SCN10A: variants seen among roughly 807,000 people sequenced by gnomAD.
The protein encoded by SCN10A is sodium voltage-gated channel alpha subunit 10.
In SCN10A, 162 loss-of-function variants were observed where a neutral mutation model predicts 170.7. The ratio of observed to expected loss-of-function variants is 0.95; its 90% CI spans 0.84 to 1.08. The LOEUF (loss-of-function observed/expected upper bound fraction) is 1.08, where lower values mean the gene tolerates loss of function less well. Among genes scored for constraint, SCN10A ranks in the 50% least tolerant of loss-of-function variants. The pLI, the probability that SCN10A is intolerant of heterozygous loss-of-function variation, is 0.00. For synonymous variants in SCN10A, 985 were observed against 904.6 expected, an observed-to-expected ratio of 1.09 and a Z score of -1.59; for missense variants, 2,527 against 2,436.9, an observed-to-expected ratio of 1.04 and a Z score of -0.78.
chr3:38,793,604 ATAT>A, intron 2 of SCN10A, 134 bp downstream of exon 2: 4 of 707,930 alleles, frequency 5.7e-6, no homozygotes, highest in Admixed American at 2.4e-5. Flanking sequence ...ATATATATAT[ATAT>A]TTTTTTTGGT....
chr3:38,728,341 T>C (rs1210926641), intron 16 of SCN10A, among the ~76,000 whole-genome samples: 1 of 152,238 alleles, frequency 6.6e-6, no homozygotes, highest in Non-Finnish European at 1.5e-5. Flanking sequence ...TCTAATCATA[T>C]GTTCTCATTC....
Position 38,709,328 on chromosome 3 carries a change from A to T in SCN10A, c.4281+150T>A. 3 of 632,788 alleles carry T rather than the reference A, an allele frequency of 4.7e-6. No individual in the cohort carries two copies. The Admixed American group carries it at 9.8e-5, about 21-fold the overall frequency. 39.2% of individuals were successfully genotyped at this position (632,788 alleles called of 1,614,324 possible). A position where few individuals can be genotyped will look rare whatever the true frequency, so the allele number is the denominator to read the frequency against. ...AGAGAAATGCAACTCTTCCTGCAAC[A>T]GCAATCACAGGGCAAGGGTTAGCAC... On this transcript the variant is annotated intron_variant, in intron 25 of 27. Transcript: ENST00000449082.
In SCN10A at chr3:38,746,063, GTATATATATATATATA is replaced by G. The variant is rs1553619550; in HGVS notation, c.1868-3550_1868-3535del. On this transcript the variant is annotated intron_variant, in intron 13 of 27. Transcript: ENST00000449082. The stretch of plus-strand genomic sequence containing the variant: ...TACATATATATATGTGTGTGTATGT[GTATATATATATATATA>G]TATATATATATATATATATATGCCA... Among the ~76,000 whole-genome samples, 132 of 61,672 alleles carry G rather than the reference GTATATATATATATATA, an allele frequency of 2.1e-3. 6 individuals are homozygous for G. Among genetic ancestry groups the G allele is most frequent in the Non-Finnish European group, 3.6e-3 (105 of 28,784 alleles). The allele number at this position is 61,672 out of a possible 152,430, so 40.5% of individuals were successfully genotyped here.
At chr3:38,720,982 C>T (rs189166554) in intron 20 of SCN10A, among the ~76,000 whole-genome samples, 1 of 152,194 alleles carries the variant, frequency 6.6e-6, no homozygotes, top group Admixed American at 6.5e-5. Flanking sequence ...GGGCACTGGG[C>T]ACCTGCAGCC....
chr3:38,799,875 A>C (rs185382758), intron 1 of SCN10A, among the ~76,000 whole-genome samples: 30 of 152,284 alleles, frequency 2.0e-4, no homozygotes, highest in Middle Eastern at 3.4e-3. Context: ...TGATTTTAAA[A>C]TTGTTCGCTG....
intron 24 of SCN10A, 133 bp downstream of exon 24, chr3:38,710,711 G>A (rs1168223668): frequency 3.8e-6 from 3 of 798,720 alleles, no homozygotes; most frequent in Non-Finnish European, 6.2e-6. Flanking sequence ...CTGCTGCAAG[G>A]AGGGACAGTG....
chr3:38,792,909 T>C (rs2064301669), intron 2 of SCN10A, among the ~76,000 whole-genome samples: 1 of 152,158 alleles, frequency 6.6e-6, no homozygotes, highest in Non-Finnish European at 1.5e-5. Flanking sequence ...TTTATGTTGA[T>C]ACCTTTTTGT....
At chr3:38,768,532 G>C (rs1410994453) in intron 5 of SCN10A, among the ~76,000 whole-genome samples, 1 of 152,086 alleles carries the variant, frequency 6.6e-6, no homozygotes, top group African/African-American at 2.4e-5. Context: ...TTCTTGGCTG[G>C]CAATTATTTT....
At position 38,709,591 on chromosome 3, in the gene SCN10A, C is replaced by A; in HGVS notation, c.4168G>T (p.Asp1390Tyr). Residue 1390 changes from aspartate to tyrosine, a missense_variant, in exon 25 of 28, where the codon GAC becomes TAC. Asp to Tyr is a radical substitution (Grantham distance 160). Transcript: ENST00000449082. ...REVNMQPKWE[D>Y]NVYMYLYFVI... is the part of the protein sequence containing the mutation. ...AAGTACAAATACATGTACACGTTGT[C>A]CTCCCACTTGGGTTGCATGTTGACC... 1 of 1,608,076 alleles carries A rather than the reference C, an allele frequency of 6.2e-7. No individual in the cohort carries two copies. Among genetic ancestry groups the A allele is most frequent in the Non-Finnish European group, 8.5e-7 (1 of 1,177,274 alleles).
At position 38,757,072 on chromosome 3, in the gene SCN10A, G is replaced by T; in HGVS notation, c.1038C>A (p.Phe346Leu). 1 of 1,613,918 alleles carries T rather than the reference G, an allele frequency of 6.2e-7. No individual in the cohort carries two copies. The highest frequency in any genetic ancestry group is 8.5e-7 in the Non-Finnish European group (1 of 1,179,908). The change falls in exon 9 of 28, where the codon TTC becomes TTA. Residue 346 changes from phenylalanine to leucine, a missense_variant. Coordinates refer to ENST00000449082, the MANE Select transcript of SCN10A (RefSeq NM_006514.4). ...YTSFDSFAWA[F>L]LSLFRLMTQD... ...GTGTCATGAGGCGGAACAGTGAGAG[G>T]AAAGCCCAAGCAAAGGAATCAAAGC...
intron 13 of SCN10A, among the ~76,000 whole-genome samples, chr3:38,743,839 C>T (rs2063659016): frequency 6.6e-6 from 1 of 152,152 alleles, no homozygotes; most frequent in Non-Finnish European, 1.5e-5. Context: ...TGCCAATTCC[C>T]ACCAAATTAT....
At chr3:38,729,346 C>A (rs1368795943) in intron 15 of SCN10A, among the ~76,000 whole-genome samples, 1 of 152,158 alleles carries the variant, frequency 6.6e-6, no homozygotes, top group African/African-American at 2.4e-5. Context: ...TAGGTATTGG[C>A]AAAACATCTC....
rs79699948 is a variant in SCN10A at position 38,758,669 on chromosome 3, G to A, written c.951-1510C>T. Among the ~76,000 whole-genome samples, 44 of 152,306 alleles carry A rather than the reference G, an allele frequency of 2.9e-4. 1 individual carries two copies. The East Asian group carries it at 6.4e-3, about 22-fold the overall frequency. ...ACTCTGGCTTCTCTGCAGCCCCACAGAGGACCCAGGTTTAGCTTTCACGGC... is the reference window on the plus strand; with the variant it reads ...ACTCTGGCTTCTCTGCAGCCCCACAAAGGACCCAGGTTTAGCTTTCACGGC... On this transcript the variant is annotated intron_variant, in intron 8 of 27. Coordinates refer to ENST00000449082, the MANE Select transcript of SCN10A (RefSeq NM_006514.4).
intron 4 of SCN10A, among the ~76,000 whole-genome samples, chr3:38,776,082 C>T (rs2064070357): frequency 2.0e-5 from 3 of 151,986 alleles, no homozygotes; most frequent in Admixed American, 2.0e-4. Context: ...AGCTTTATAT[C>T]ATTACTTGAC....
chr3:38,705,192 G>A (rs532025611), intron 26 of SCN10A, among the ~76,000 whole-genome samples: 68 of 152,298 alleles, frequency 4.5e-4, no homozygotes, highest in African/African-American at 1.5e-3. Flanking sequence ...TTGTTTAAAT[G>A]TTCTAGCCTT....
chr3:38,707,668 A>G (rs749742970), intron 25 of SCN10A, among the ~76,000 whole-genome samples: 1 of 152,180 alleles, frequency 6.6e-6, no homozygotes, highest in Non-Finnish European at 1.5e-5. Context: ...AACAGGACTC[A>G]AGGAGAAGGT....
At chr3:38,726,217 A>T (rs919838605) in intron 17 of SCN10A, among the ~76,000 whole-genome samples, 1 of 152,240 alleles carries the variant, frequency 6.6e-6, no homozygotes, top group Non-Finnish European at 1.5e-5. Context: ...AATGAGTCAC[A>T]TAAGAATCAG....
At chr3:38,777,799 A>G (rs1354859664) in intron 4 of SCN10A, among the ~76,000 whole-genome samples, 1 of 152,116 alleles carries the variant, frequency 6.6e-6, no homozygotes, top group Non-Finnish European at 1.5e-5. Context: ...TGGCAGAAGC[A>G]GTGGTAGGAA....
At position 38,761,123 on chromosome 3, in the gene SCN10A, A is replaced by G. The variant is rs143478744; in HGVS notation, c.883+69T>C. ...CTATACACACACACAGGGGCTCCAT[A>G]TCCCCTGTCCCTATATGATACCAAG... On this transcript the variant is annotated intron_variant, in intron 7 of 27. Coordinates refer to ENST00000449082, the MANE Select transcript of SCN10A (RefSeq NM_006514.4). 6.5e-5 allele frequency: 83 copies of G among 1,284,572 alleles called. 1 individual carries two copies. In the African/African-American group the frequency reaches 1.1e-3, roughly 16 times the overall value. 79.6% of individuals were successfully genotyped at this position (1,284,572 alleles called of 1,614,324 possible).
Sources: gnomAD v4.1 joint callset for allele counts (sites outside exome capture counted in the v4.1 genomes callset) on GRCh38, gnomAD v4.1.1 for gene constraint, MANE v1.5 for transcripts, NCBI Gene and HGNC (gene_info 2026-07-23, HGNC 2026-07-21) for gene names.